The following NRXN3 variants were observed in gnomAD, a reference collection of about 807,000 sequenced individuals.
NRXN3 encodes the protein neurexin 3, also known as neurexin III.
A neutral mutation model predicts 137.6 loss-of-function variants in NRXN3; 32 were observed. That is an observed-to-expected ratio of 0.23 (90% CI 0.18 to 0.31). The LOEUF is 0.31. NRXN3 is among the 10% of genes least tolerant of loss of function. The probability of loss-of-function intolerance (pLI) is 1.00; values close to 1 mark genes in which losing one functional copy is unlikely to be tolerated. For synonymous variants in NRXN3, 798 were observed against 784.5 expected (o/e 1.02, Z -0.29); for missense variants, 1,574 against 2,062.5 (o/e 0.76, Z 4.59).
At chr14:78,225,842 C>A (rs2064483112) in intron 1 of NRXN3, among the ~76,000 whole-genome samples, 1 of 152,154 alleles carries the variant, frequency 6.6e-6, no homozygotes, top group Non-Finnish European at 1.5e-5. Flanking sequence ...ATCACCTCCC[C>A]TTATGGTTAC....
Position 79,179,042 on chromosome 14 carries a change from A to C in NRXN3, c.3262+190901A>C, listed in dbSNP as rs184106979. On this transcript the variant is annotated intron_variant, in intron 15 of 20. Transcript: ENST00000335750. ...AAATGAGGCTGATGATGAGAGTGATAGATGAAAAAACTCATCTCTGAGGTT... is the reference window on the plus strand; with the variant it reads ...AAATGAGGCTGATGATGAGAGTGATCGATGAAAAAACTCATCTCTGAGGTT... 9.4e-3 allele frequency among the ~76,000 whole-genome samples: 1,428 copies of C among 152,306 alleles called. 12 individuals are homozygous for C. The highest frequency in any genetic ancestry group is 0.037 in the Middle Eastern group (11 of 294).
intron 1 of NRXN3, among the ~76,000 whole-genome samples, chr14:78,181,679 G>A (rs921027710): frequency 6.6e-6 from 1 of 152,176 alleles, no homozygotes; most frequent in South Asian, 2.1e-4. Flanking sequence ...CACAACTTGA[G>A]TGTTCAGGAG....
intron 15 of NRXN3, among the ~76,000 whole-genome samples, chr14:79,306,768 A>T (rs1035049005): frequency 2.0e-5 from 3 of 152,132 alleles, no homozygotes; most frequent in Non-Finnish European, 2.9e-5. Flanking sequence ...TCTGCAAGAT[A>T]GCATCTTGTT....
At chr14:79,191,493 T>G (rs1315207673) in intron 15 of NRXN3, among the ~76,000 whole-genome samples, 1 of 152,208 alleles carries the variant, frequency 6.6e-6, no homozygotes, top group African/African-American at 2.4e-5. Context: ...TCTGACTTCT[T>G]GCATAACTAT....
chr14:79,581,597 C>T (rs2097716772), intron 16 of NRXN3, among the ~76,000 whole-genome samples: 1 of 152,146 alleles, frequency 6.6e-6, no homozygotes, highest in Admixed American at 6.5e-5. Context: ...GATATATCAT[C>T]CTTCTTCTCC....
intron 3 of NRXN3, among the ~76,000 whole-genome samples, chr14:78,295,433 T>C: frequency 6.6e-6 from 1 of 152,308 alleles, no homozygotes; most frequent in African/African-American, 2.4e-5. Flanking sequence ...AAGTACATAT[T>C]TGAATTTTAA....
intron 16 of NRXN3, among the ~76,000 whole-genome samples, chr14:79,525,102 T>G (rs1198030254): frequency 6.6e-6 from 1 of 152,154 alleles, no homozygotes; most frequent in Non-Finnish European, 1.5e-5. Context: ...TTAGGTCTTA[T>G]GACTAGCTTT....
chr14:79,723,149 G>GTTT (rs1219424032), intron 19 of NRXN3, among the ~76,000 whole-genome samples: 4 of 152,090 alleles, frequency 2.6e-5, no homozygotes, highest in Admixed American at 6.6e-5. Flanking sequence ...CAACATAGTA[G>GTTT]CTTGGAGGAA....
intron 8 of NRXN3, among the ~76,000 whole-genome samples, chr14:78,736,351 G>A (rs1010769017): frequency 1.3e-5 from 2 of 152,098 alleles, no homozygotes; most frequent in African/African-American, 2.4e-5. Context: ...CTACATCATC[G>A]AAGTGAAATT....
intron 20 of NRXN3, among the ~76,000 whole-genome samples, chr14:79,852,953 G>A (rs1210510401): frequency 6.6e-6 from 1 of 151,896 alleles, no homozygotes; most frequent in Non-Finnish European, 1.5e-5. Context: ...GAGAAAAAAA[G>A]TTATGAATTG....
chr14:78,541,626 A>G (rs917463642), intron 4 of NRXN3, among the ~76,000 whole-genome samples: 1 of 152,192 alleles, frequency 6.6e-6, no homozygotes, highest in African/African-American at 2.4e-5. Context: ...TCAACTCGTC[A>G]AAGTCATTCT....
chr14:79,509,716 T>TA (rs1157838388), intron 16 of NRXN3, among the ~76,000 whole-genome samples: 29 of 152,046 alleles, frequency 1.9e-4, no homozygotes, highest in African/African-American at 4.6e-4. Flanking sequence ...TCAACATATA[T>TA]AAAAAATCAC....
rs2099418580 is a variant in NRXN3, at chr14:79,867,679, G to A, written c.*5715G>A. On this transcript the variant is annotated 3_prime_UTR_variant, in exon 21 of 21. Transcript: ENST00000335750. ...GTTTCTAGCAAATGTATAGTAGTGG[G>A]AATTGCAAAGGTTGAAGTTCCAAAG... The A allele has an allele frequency of 6.6e-6, 1 of 152,132 alleles. No individual in the cohort carries two copies. Among genetic ancestry groups the A allele is most frequent in the Non-Finnish European group, 1.5e-5 (1 of 68,062 alleles). 9.4% of individuals were successfully genotyped at this position (152,132 alleles called of 1,614,324 possible).
At chr14:78,946,890 T>A (rs2099366412) in intron 10 of NRXN3, among the ~76,000 whole-genome samples, 1 of 152,220 alleles carries the variant, frequency 6.6e-6, no homozygotes, top group African/African-American at 2.4e-5. Context: ...ACTTGATTTA[T>A]TTTTGTTGAT....
intron 16 of NRXN3, among the ~76,000 whole-genome samples, chr14:79,517,896 CTTTTTTT>C (rs34241975): frequency 0.013 from 989 of 73,296 alleles, 7 homozygotes; most frequent in African/African-American, 0.062. Context: ...CCTGACTTTC[CTTTTTTT>C]TTTTTTTTTT....
At chr14:79,625,869 G>A (rs1305216520) in intron 16 of NRXN3, among the ~76,000 whole-genome samples, 2 of 152,134 alleles carry the variant, frequency 1.3e-5, no homozygotes, top group Non-Finnish European at 2.9e-5. Flanking sequence ...TGTAGACTTG[G>A]GCCGGCAACT....
chr14:78,731,556 T>C (rs1177773002), intron 8 of NRXN3, among the ~76,000 whole-genome samples: 1 of 151,786 alleles, frequency 6.6e-6, no homozygotes, highest in Non-Finnish European at 1.5e-5. Flanking sequence ...ATGGTTATTA[T>C]TAACATATCT....
chr14:79,528,702 TA>T (rs2097143512), intron 16 of NRXN3, among the ~76,000 whole-genome samples: 1 of 152,078 alleles, frequency 6.6e-6, no homozygotes, highest in African/African-American at 2.4e-5. Flanking sequence ...ACTAGAAAAT[TA>T]TTTAGCAAAC....
intron 5 of NRXN3, among the ~76,000 whole-genome samples, chr14:78,647,417 T>C (rs2097698246): frequency 6.6e-6 from 1 of 152,212 alleles, no homozygotes; most frequent in Non-Finnish European, 1.5e-5. Flanking sequence ...GTGTGGTGGC[T>C]AAATATGCAA....
Sources: allele counts gnomAD v4.1 joint callset (sites outside exome capture counted in the v4.1 genomes callset), GRCh38; gene constraint gnomAD v4.1.1; transcripts MANE v1.5; gene names NCBI Gene and HGNC (gene_info 2026-07-23, HGNC 2026-07-21).